Variants in NAA15 observed in about 807,000 individuals in gnomAD.
NAA15 encodes the protein N-terminal acetyltransferase.
NAA15 carries 34 observed loss-of-function variants against 114.0 expected under a neutral mutation model. The ratio of observed to expected loss-of-function variants is 0.30; its 90% CI spans 0.23 to 0.40. NAA15 has a LOEUF of 0.40. Ranked by LOEUF, NAA15 falls within the 10% of genes least tolerant of loss-of-function variation. The pLI is 1.00. For synonymous variants in NAA15, 340 were observed against 338.0 expected (o/e 1.01, Z -0.06); for missense variants, 658 against 1,004.5 (o/e 0.66, Z 4.66).
chr4:139,348,783 C>T (rs1215699580), intron 6 of NAA15, among the ~76,000 whole-genome samples: 1 of 152,010 alleles, frequency 6.6e-6, no homozygotes, highest in Non-Finnish European at 1.5e-5. Context: ...ACAAAAGAGC[C>T]TAGGTTTTAA....
intron 13 of NAA15, 49 bp from the exon 14 acceptor site, chr4:139,361,675 T>C: frequency 2.6e-6 from 3 of 1,158,630 alleles, no homozygotes; most frequent in Non-Finnish European, 3.6e-6. Context: ...TATAGTTTTC[T>C]TAGCCATTGC....
At chr4:139,324,765 T>C (rs940043171) in intron 1 of NAA15, among the ~76,000 whole-genome samples, 2 of 152,198 alleles carry the variant, frequency 1.3e-5, no homozygotes, top group Non-Finnish European at 2.9e-5. Flanking sequence ...TGGATATTTT[T>C]TGTTACTTTT....
chr4:139,314,988 CAGTTCAGTTCAGTTTAGTTT>C (rs1166588765), intron 1 of NAA15, among the ~76,000 whole-genome samples: 1 of 20,796 alleles, frequency 4.8e-5, no homozygotes, highest in East Asian at 7.1e-4. Context: ...GAGAAGCGTT[CAGTTCAGTTCAGTTTAGTTT>C]AGGTTAGGTT....
intron 18 of NAA15, 27 bp from the exon 19 acceptor site, chr4:139,386,106 T>C: frequency 7.7e-7 from 1 of 1,292,220 alleles, no homozygotes; most frequent in Non-Finnish European, 1.1e-6. Flanking sequence ...TACCTTGAAA[T>C]AAATTTCCTA....
intron 10 of NAA15, among the ~76,000 whole-genome samples, chr4:139,356,797 TAA>T (rs1747966477): frequency 6.6e-6 from 1 of 152,160 alleles, no homozygotes; most frequent in Non-Finnish European, 1.5e-5. Flanking sequence ...AACTAAAATA[TAA>T]AAATTTTTTT....
In NAA15 at chr4:139,385,073, A is replaced by C; in HGVS notation, c.2302+95A>C. The stretch of plus-strand genomic sequence containing the variant: ...AAGGTACATGTTTTTAGAATGGAAG[A>C]GGCAGTGTGTATATGTTACATTGTG... On this transcript the variant is annotated intron_variant, in intron 18 of 19. Transcript: ENST00000296543. The C allele has an allele frequency of 1.8e-6, 2 of 1,093,232 alleles. 1 individual carries two copies. Among genetic ancestry groups the C allele is most frequent in the South Asian group, 4.5e-5 (2 of 44,232 alleles). 67.7% of individuals were successfully genotyped at this position (1,093,232 alleles called of 1,614,324 possible).
chr4:139,377,893 G>T (rs1198057594), intron 16 of NAA15, among the ~76,000 whole-genome samples: 1 of 152,118 alleles, frequency 6.6e-6, no homozygotes, highest in East Asian at 1.9e-4. Flanking sequence ...TTCAAAAGCT[G>T]CTCTGCTTAA....
At chr4:139,348,879 G>A (rs530348620) in intron 6 of NAA15, among the ~76,000 whole-genome samples, 1 of 152,296 alleles carries the variant, frequency 6.6e-6, no homozygotes, top group South Asian at 2.1e-4. Flanking sequence ...ACAGTGAGTC[G>A]ACAAGTTGCT....
chr4:139,344,086 T>C (rs1331780847), intron 5 of NAA15, 100 bp from the exon 6 acceptor site: 14 of 1,039,262 alleles, frequency 1.3e-5, no homozygotes, highest in Non-Finnish European at 1.7e-5. Context: ...ATCAACCGGA[T>C]GTTATCCTTT....
intron 3 of NAA15, 89 bp downstream of exon 3, chr4:139,337,041 T>C (rs1297977570): frequency 5.7e-6 from 4 of 706,382 alleles, no homozygotes; most frequent in African/African-American, 1.8e-5. Flanking sequence ...ATCTCTCTTA[T>C]TGTGCTATTA....
chr4:139,364,848 A>T (rs939181665), intron 14 of NAA15, among the ~76,000 whole-genome samples: 1 of 152,120 alleles, frequency 6.6e-6, no homozygotes, highest in Non-Finnish European at 1.5e-5. Context: ...AAAATTTTCT[A>T]TGTAGGCCAG....
At chr4:139,325,739 C>T (rs1746779086) in intron 1 of NAA15, among the ~76,000 whole-genome samples, 1 of 152,142 alleles carries the variant, frequency 6.6e-6, no homozygotes, top group African/African-American at 2.4e-5. Context: ...GCCTTGGACT[C>T]CTGGGCTCAA....
chr4:139,376,349 C>A lies in NAA15; in HGVS notation c.1948-16C>A, dbSNP rs1560980395. 6.9e-7 allele frequency: 1 copy of A among 1,455,300 alleles called. No individual in the cohort carries two copies. The allele number at this position is 1,455,300 out of a possible 1,614,324, so 90.1% of individuals were successfully genotyped here. ...AACCTTAGTTTCATTTGTATAATATCTTTTATTTTTGTTAGGTTGAAACTC... is the reference window on the plus strand; with the variant it reads ...AACCTTAGTTTCATTTGTATAATATATTTTATTTTTGTTAGGTTGAAACTC... On this transcript the variant is annotated splice_polypyrimidine_tract_variant and intron_variant, in intron 15 of 19. Transcript: ENST00000296543.
rs1158092761 is a variant in NAA15 at position 139,347,924 on chromosome 4, C to T, written c.692-1538C>T. ...GCGGGCGCCTGTAGTCCCAGCTACT[C>T]GGGAGGCTGAGGCAGGAGAATGGCG... On this transcript the variant is annotated intron_variant, in intron 6 of 19. Coordinates refer to ENST00000296543, the MANE Select transcript of NAA15 (RefSeq NM_057175.5). Among the ~76,000 whole-genome samples, 4 of 149,596 alleles carry T rather than the reference C, an allele frequency of 2.7e-5. No homozygotes were observed. In the East Asian group the frequency reaches 6.0e-4, roughly 22 times the overall value.
Position 139,301,526 on chromosome 4 carries a change from C to G in NAA15, c.-252C>G, listed in dbSNP as rs1469862618. ...TTTTGGCTGCCTCTGTCGGTCTGTT[C>G]AGTTACCACGTGAACCGCCGACGGA... On this transcript the variant is annotated 5_prime_UTR_variant, in exon 1 of 20. Coordinates refer to ENST00000296543, the MANE Select transcript of NAA15 (RefSeq NM_057175.5). 3 of 551,648 alleles carry G rather than the reference C, an allele frequency of 5.4e-6. No homozygotes were observed. The allele number at this position is 551,648 out of a possible 1,614,324, so 34.2% of individuals were successfully genotyped here.
rs1432319135 is a variant in NAA15, at chr4:139,391,013, G to GTA, written c.*2932_*2933dup. ...TTTCTAAGAATATTTCAGTTACCAT[G>GTA]TATAGTATTTGGGAAAAGCTGTAAT... On this transcript the variant is annotated 3_prime_UTR_variant, in exon 20 of 20. Transcript: ENST00000296543. The GTA allele has an allele frequency of 6.6e-6, 1 of 152,182 alleles. No individual in the cohort carries two copies. The highest frequency in any genetic ancestry group is 1.9e-4 in the East Asian group (1 of 5,204). 9.4% of individuals were successfully genotyped at this position (152,182 alleles called of 1,614,324 possible). A position where few individuals can be genotyped will look rare whatever the true frequency, so the allele number is the denominator to read the frequency against.
Position 139,389,190 on chromosome 4 carries a change from C to T in NAA15, c.*1106C>T, listed in dbSNP as rs1748984066. On this transcript the variant is annotated 3_prime_UTR_variant, in exon 20 of 20. Coordinates refer to ENST00000296543, the MANE Select transcript of NAA15 (RefSeq NM_057175.5). Reference sequence around the variant, plus strand: ...AAGACTTTGTAATTTTTAAAGGGCCCAAGATTTTTTTTTTTTTTTTTTTTT... The same window carrying T: ...AAGACTTTGTAATTTTTAAAGGGCCTAAGATTTTTTTTTTTTTTTTTTTTT... The T allele has an allele frequency of 7.5e-6, 1 of 133,786 alleles. No individual in the cohort carries two copies. Among genetic ancestry groups the T allele is most frequent in the African/African-American group, 2.9e-5 (1 of 34,648 alleles). 8.3% of individuals were successfully genotyped at this position (133,786 alleles called of 1,614,324 possible). A position where few individuals can be genotyped will look rare whatever the true frequency, so the allele number is the denominator to read the frequency against.
In NAA15 at chr4:139,357,145, C is replaced by T. The variant is rs7668013; in HGVS notation, c.1088-241C>T. Among the ~76,000 whole-genome samples, 9,123 of 152,156 alleles carry T rather than the reference C, an allele frequency of 0.06. 900 individuals are homozygous for T. Among genetic ancestry groups the T allele is most frequent in the African/African-American group, 0.21 (8,611 of 41,474 alleles). On this transcript the variant is annotated intron_variant, in intron 10 of 19. Coordinates refer to ENST00000296543, the MANE Select transcript of NAA15 (RefSeq NM_057175.5). ...CTAGGTAGTTAGACCTTATTTATCT[C>T]CCATGTTTGTTTCATAAAGTTATTA...
At chr4:139,369,591 A>G (rs1034294067) in intron 14 of NAA15, among the ~76,000 whole-genome samples, 1 of 151,910 alleles carries the variant, frequency 6.6e-6, no homozygotes, top group Non-Finnish European at 1.5e-5. Context: ...TACAAAAATC[A>G]GCCGGACGTG....
Sources: gnomAD v4.1 joint callset for allele counts (sites outside exome capture counted in the v4.1 genomes callset) on GRCh38, gnomAD v4.1.1 for gene constraint, MANE v1.5 for transcripts, NCBI Gene and HGNC (gene_info 2026-07-23, HGNC 2026-07-21) for gene names.